The following XKR6 variants were observed in gnomAD, a reference collection of about 807,000 sequenced individuals.
XKR6 encodes XK related 6.
In XKR6, 22 loss-of-function variants were observed where a neutral mutation model predicts 56.7. The observed-to-expected ratio is 0.39, with a 90% CI of 0.28 to 0.55. The LOEUF is 0.55. Among genes scored for constraint, XKR6 ranks in the 20% least tolerant of loss-of-function variants. The pLI, the probability that XKR6 is intolerant of heterozygous loss-of-function variation, is 0.66. For synonymous variants in XKR6, 524 were observed against 387.8 expected, an observed-to-expected ratio of 1.35 and a Z score of -4.13; for missense variants, 852 against 889.0, an observed-to-expected ratio of 0.96 and a Z score of 0.53.
At chr8:11,170,719 C>A (rs1425386172) in intron 1 of XKR6, among the ~76,000 whole-genome samples, 1 of 152,168 alleles carries the variant, frequency 6.6e-6, no homozygotes, top group African/African-American at 2.4e-5. Flanking sequence ...CTTAATAAAA[C>A]TGTTACACAT....
intron 1 of XKR6, among the ~76,000 whole-genome samples, chr8:11,162,646 T>G (rs1436621826): frequency 6.6e-6 from 1 of 152,216 alleles, no homozygotes; most frequent in Non-Finnish European, 1.5e-5. Flanking sequence ...ACTAGTTGTT[T>G]TGATTATTTA....
intron 1 of XKR6, among the ~76,000 whole-genome samples, chr8:11,168,699 G>C (rs1256253898): frequency 6.6e-6 from 1 of 152,190 alleles, no homozygotes; most frequent in Admixed American, 6.5e-5. Flanking sequence ...TATTGATAGA[G>C]AAAGTTAGGT....
chr8:11,130,936 A>T (rs1800073213), intron 1 of XKR6, among the ~76,000 whole-genome samples: 1 of 152,116 alleles, frequency 6.6e-6, no homozygotes, highest in African/African-American at 2.4e-5. Flanking sequence ...TTTTATAGTC[A>T]AACTACCTAA....
chr8:11,183,095 TTTTGTTTA>T (rs1171634079), intron 1 of XKR6, among the ~76,000 whole-genome samples: 1 of 152,310 alleles, frequency 6.6e-6, no homozygotes, highest in East Asian at 1.9e-4. Context: ...CTTGTATCCA[TTTTGTTTA>T]TTCACTTGTG....
intron 1 of XKR6, among the ~76,000 whole-genome samples, chr8:10,925,487 C>T (rs1374345679): frequency 2.6e-5 from 4 of 152,178 alleles, no homozygotes; most frequent in Admixed American, 2.0e-4. Flanking sequence ...GACCCAGGGC[C>T]TGCCATGGAG....
chr8:11,057,501 G>A (rs538388416), intron 1 of XKR6, among the ~76,000 whole-genome samples: 27 of 152,220 alleles, frequency 1.8e-4, no homozygotes, highest in African/African-American at 5.8e-4. Context: ...GTGCATCGTC[G>A]TGGCTCATCC....
At chr8:11,005,659 A>G (rs1372241632) in intron 1 of XKR6, among the ~76,000 whole-genome samples, 1 of 152,184 alleles carries the variant, frequency 6.6e-6, no homozygotes, top group Non-Finnish European at 1.5e-5. Flanking sequence ...GGAAAAATAC[A>G]TCACATTGTA....
chr8:10,986,971 T>A (rs1003583029), intron 1 of XKR6, among the ~76,000 whole-genome samples: 1 of 151,938 alleles, frequency 6.6e-6, no homozygotes, highest in Non-Finnish European at 1.5e-5. Flanking sequence ...AGTTTTCTCT[T>A]AGAGATGGGG....
chr8:10,977,071 C>A (rs1156956200), intron 1 of XKR6, among the ~76,000 whole-genome samples: 4 of 152,072 alleles, frequency 2.6e-5, no homozygotes, highest in Non-Finnish European at 4.4e-5. Context: ...GGTGACATGC[C>A]CAAGATCACA....
At position 11,200,886 on chromosome 8, in the gene XKR6, C is replaced by A; in HGVS notation, c.454G>T (p.Asp152Tyr). The change falls in exon 1 of 3, where the codon GAC becomes TAC. Residue 152 changes from aspartate to tyrosine, a missense_variant. Asp to Tyr is a radical substitution (Grantham distance 160). Transcript: ENST00000416569. The surrounding 1 kb of genome is among the most constrained non-coding windows in gnomAD (Gnocchi z 6.4). ...ACGTAGTCCCCCTTGCGGTAGTAGTCGAGGGCCAGCCACAGGTCGGTGCCC... is the reference window on the plus strand; with the variant it reads ...ACGTAGTCCCCCTTGCGGTAGTAGTAGAGGGCCAGCCACAGGTCGGTGCCC... ...DVGTDLWLAL[D>Y]YYRKGDYVYF... 1 of 1,611,136 alleles carries A rather than the reference C, an allele frequency of 6.2e-7. No individual in the cohort carries two copies. The highest frequency in any genetic ancestry group is 8.5e-7 in the Non-Finnish European group (1 of 1,179,364).
intron 1 of XKR6, among the ~76,000 whole-genome samples, chr8:11,034,987 G>GCC (rs1434106239): frequency 6.6e-6 from 1 of 152,240 alleles, no homozygotes; most frequent in African/African-American, 2.4e-5. Context: ...CAGACTGCCA[G>GCC]CCAGTGCCCT....
intron 1 of XKR6, among the ~76,000 whole-genome samples, chr8:11,066,022 G>A (rs1255023111): frequency 1.3e-5 from 2 of 152,240 alleles, no homozygotes; most frequent in Non-Finnish European, 2.9e-5. Context: ...ATTCTCTGAA[G>A]TCCCTGCCAT....
chr8:11,168,782 TAAGAA>T (rs1802215622), intron 1 of XKR6, among the ~76,000 whole-genome samples: 1 of 152,116 alleles, frequency 6.6e-6, no homozygotes, highest in Admixed American at 6.5e-5. Flanking sequence ...CAGGCACAGA[TAAGAA>T]AACTCGCACA....
rs199912681 is a variant in XKR6, at chr8:10,898,143, G to A, written c.1735C>T (p.Leu579Phe). The change falls in exon 3 of 3, where the codon CTC (leucine) becomes TTC (phenylalanine). Residue 579 changes from leucine (L) to phenylalanine (F), a missense_variant. This residue lies in a region of XKR6 where 197 missense variants were observed against 190.9 expected (regional missense o/e 1.03). Coordinates refer to ENST00000416569, the MANE Select transcript of XKR6 (RefSeq NM_173683.4). The surrounding 1 kb of genome is among the most constrained non-coding windows in gnomAD (Gnocchi z 6.6). ...ATCTTAATGAGGGGCCCTTCTGGGA[G>A]GTAAGGACGCCCCAACGGGGTAGGG... ...GPPTPLGRPY[L>F]PEGPLIKIDM... 2.5e-5 allele frequency: 41 copies of A among 1,614,088 alleles called. No individual in the cohort carries two copies. The East Asian group carries it at 7.8e-4, about 31-fold the overall frequency.
chr8:11,009,820 T>C (rs1798459923), intron 1 of XKR6, among the ~76,000 whole-genome samples: 1 of 152,246 alleles, frequency 6.6e-6, no homozygotes, highest in African/African-American at 2.4e-5. Flanking sequence ...TATTACTTCA[T>C]TAATCATTGA....
chr8:11,110,859 C>T (rs1001575464), intron 1 of XKR6, among the ~76,000 whole-genome samples: 6 of 150,678 alleles, frequency 4.0e-5, no homozygotes, highest in South Asian at 2.1e-4. Flanking sequence ...TTTTTTGAGG[C>T]GGAGTCTTGC....
chr8:11,198,076 A>G (rs1307508003), intron 1 of XKR6, among the ~76,000 whole-genome samples: 1 of 152,232 alleles, frequency 6.6e-6, no homozygotes, highest in Non-Finnish European at 1.5e-5. Flanking sequence ...TCCACAGCAA[A>G]TATGTTTAAG....
chr8:11,067,448 C>T (rs574925791), intron 1 of XKR6, among the ~76,000 whole-genome samples: 3 of 152,328 alleles, frequency 2.0e-5, no homozygotes, highest in Middle Eastern at 3.4e-3. Context: ...ACTGGACCAT[C>T]CCTGAGGGCT....
chr8:11,092,564 A>C (rs1798109404), intron 1 of XKR6, among the ~76,000 whole-genome samples: 1 of 152,068 alleles, frequency 6.6e-6, no homozygotes, highest in African/African-American at 2.4e-5. Flanking sequence ...CCGGGTGATA[A>C]AGGTTAGAAA....
Sources: allele counts gnomAD v4.1 joint callset (sites outside exome capture counted in the v4.1 genomes callset), GRCh38; gene constraint gnomAD v4.1.1; regional missense constraint gnomAD v4.1.1; non-coding constraint Gnocchi (gnomAD v3.1); transcripts MANE v1.5; gene names NCBI Gene and HGNC (gene_info 2026-07-23, HGNC 2026-07-21).